SDK2: variants seen among roughly 807,000 people sequenced by gnomAD.
SDK2 encodes the protein protein sidekick-2.
A neutral mutation model predicts 253.9 loss-of-function variants in SDK2; 105 were observed. The observed-to-expected ratio is 0.41, with a 90% confidence interval of 0.35 to 0.49. The LOEUF (loss-of-function observed/expected upper bound fraction) is 0.49, where lower values mean the gene tolerates loss of function less well. Among genes scored for constraint, SDK2 ranks in the 20% least tolerant of loss-of-function variants. SDK2 has a pLI of 0.06. For missense variants in SDK2, 2,608 were observed against 3,003.0 expected (o/e 0.87, Z 3.07); for synonymous variants, 1,249 against 1,234.9 (o/e 1.01, Z -0.24).
At chr17:73,622,189 C>G (rs1352058239) in intron 1 of SDK2, among the ~76,000 whole-genome samples, 1 of 152,210 alleles carries the variant, frequency 6.6e-6, no homozygotes, top group Non-Finnish European at 1.5e-5. Context: ...TCATTCCTGC[C>G]CAGCCATGGG....
intron 1 of SDK2, among the ~76,000 whole-genome samples, chr17:73,598,059 G>A (rs1198718262): frequency 2.0e-5 from 3 of 152,124 alleles, no homozygotes; most frequent in Non-Finnish European, 4.4e-5. Context: ...ATAGCCAGCT[G>A]GTGTCCGAGT....
intron 1 of SDK2, among the ~76,000 whole-genome samples, chr17:73,582,404 G>A (rs1313054267): frequency 6.6e-6 from 1 of 152,234 alleles, no homozygotes; most frequent in Non-Finnish European, 1.5e-5. Flanking sequence ...CAGCTTTTGG[G>A]GGTACACACT....
At chr17:73,523,355 T>C (rs999422948) in intron 1 of SDK2, among the ~76,000 whole-genome samples, 12 of 151,864 alleles carry the variant, frequency 7.9e-5, no homozygotes, top group African/African-American at 2.7e-4. Flanking sequence ...CTATACCCCA[T>C]ATTAAGGGCT....
At position 73,431,736 on chromosome 17, in the gene SDK2, G is replaced by A. The variant is rs879724368; in HGVS notation, c.1313-67C>T. 8.3e-6 allele frequency: 12 copies of A among 1,446,454 alleles called. No individual in the cohort carries two copies. The highest frequency in any genetic ancestry group is 1.4e-5 in the South Asian group (1 of 73,756). 89.6% of individuals were successfully genotyped at this position (1,446,454 alleles called of 1,614,324 possible). ...GGGCACACCCTGCCCTTCCCTGGCCGCTCCAGGGCAGCATGGTCCCCCCAC... is the reference window on the plus strand; with the variant it reads ...GGGCACACCCTGCCCTTCCCTGGCCACTCCAGGGCAGCATGGTCCCCCCAC... On this transcript the variant is annotated intron_variant, in intron 10 of 44. Transcript: ENST00000392650. This position sits in a 1 kb window ranked among gnomAD's most constrained non-coding sequence, Gnocchi z 5.6.
intron 12 of SDK2, among the ~76,000 whole-genome samples, chr17:73,425,914 T>C (rs1441928991): frequency 2.0e-5 from 3 of 152,194 alleles, no homozygotes; most frequent in Non-Finnish European, 4.4e-5. Context: ...TGCAAGCTAA[T>C]ATAAAATAGA....
chr17:73,423,768 G>T, intron 13 of SDK2, 148 bp downstream of exon 13: 1 of 775,986 alleles, frequency 1.3e-6, no homozygotes, highest in Non-Finnish European at 2.0e-6. Flanking sequence ...AGGCCTGGAA[G>T]GATGCTGGGG....
chr17:73,482,849 T>C (rs2063734840), intron 2 of SDK2, among the ~76,000 whole-genome samples: 1 of 152,084 alleles, frequency 6.6e-6, no homozygotes, highest in South Asian at 2.1e-4. Flanking sequence ...TAAGCAGGGA[T>C]CCCTCCCTAA....
intron 1 of SDK2, among the ~76,000 whole-genome samples, chr17:73,535,307 C>A (rs2044755590): frequency 1.3e-5 from 2 of 152,200 alleles, no homozygotes; most frequent in Admixed American, 1.3e-4. Flanking sequence ...GAAGGCGCTG[C>A]ATAACTTCTC....
intron 6 of SDK2, among the ~76,000 whole-genome samples, chr17:73,438,598 C>A (rs1021988578): frequency 1.4e-4 from 22 of 151,874 alleles, no homozygotes; most frequent in African/African-American, 4.9e-4. Context: ...ACATGAAACA[C>A]CCAGAGTTTG....
intron 1 of SDK2, among the ~76,000 whole-genome samples, chr17:73,526,683 G>T (rs375807552): frequency 1.3e-5 from 2 of 151,724 alleles, no homozygotes; most frequent in South Asian, 4.1e-4. Flanking sequence ...ATATGTGTGT[G>T]TTTGTGTGCA....
chr17:73,501,860 C>T (rs543259700), intron 2 of SDK2, among the ~76,000 whole-genome samples: 1 of 152,322 alleles, frequency 6.6e-6, no homozygotes, highest in African/African-American at 2.4e-5. Context: ...CTGATGCAGG[C>T]ATTACTGCGC....
chr17:73,560,832 C>A (rs1018101487), intron 1 of SDK2, among the ~76,000 whole-genome samples: 7 of 152,210 alleles, frequency 4.6e-5, no homozygotes, highest in Admixed American at 3.3e-4. Context: ...GTGCCCACCC[C>A]CTCCCGATCC....
Position 73,455,835 on chromosome 17 carries a change from C to A in SDK2, c.479+71G>T. 6.8e-7 allele frequency: 1 copy of A among 1,465,778 alleles called. No individual in the cohort carries two copies. The highest frequency in any genetic ancestry group is 9.1e-7 in the Non-Finnish European group (1 of 1,103,548). 90.8% of individuals were successfully genotyped at this position (1,465,778 alleles called of 1,614,324 possible). ...GGCCCTCCTCCACACTCAAGGGAGA[C>A]TTTATCTGGCCCCAAACCTCCTCCC... On this transcript the variant is annotated intron_variant, in intron 4 of 44. Coordinates refer to ENST00000392650, the MANE Select transcript of SDK2 (RefSeq NM_001144952.2). This position sits in a 1 kb window ranked among gnomAD's most constrained non-coding sequence, Gnocchi z 5.0.
chr17:73,570,034 G>A lies in SDK2; in HGVS notation c.65-62437C>T, dbSNP rs551055879. On this transcript the variant is annotated intron_variant, in intron 1 of 44. Coordinates refer to ENST00000392650, the MANE Select transcript of SDK2 (RefSeq NM_001144952.2). The surrounding 1 kb of genome is among the most constrained non-coding windows in gnomAD (Gnocchi z 4.2). ...GAAGGATGAGGAGCAGGACCTCAGC[G>A]CTCTAACTCTTTCAGGCTTCGGCTG... Among the ~76,000 whole-genome samples the A allele has an allele frequency of 2.6e-5, 4 of 152,244 alleles. No homozygotes were observed. Among genetic ancestry groups the A allele is most frequent in the East Asian group, 1.9e-4 (1 of 5,162 alleles).
In SDK2 at chr17:73,455,618, GT is replaced by G. The variant is rs2063520420; in HGVS notation, c.479+287del. On this transcript the variant is annotated intron_variant, in intron 4 of 44. Coordinates refer to ENST00000392650, the MANE Select transcript of SDK2 (RefSeq NM_001144952.2). This position sits in a 1 kb window ranked among gnomAD's most constrained non-coding sequence, Gnocchi z 5.0. ...AGCGCCTTCGTATATGCCTGTTTGG[GT>G]TTTTTAAGTGCTCTGAAAAGCAGAT... 2.6e-5 allele frequency among the ~76,000 whole-genome samples: 4 copies of G among 152,334 alleles called. No homozygotes were observed. In the South Asian group the frequency reaches 8.3e-4, roughly 32 times the overall value.
At chr17:73,357,898 G>T in intron 40 of SDK2, 181 bp downstream of exon 40, 1 of 920,564 alleles carries the variant, frequency 1.1e-6, no homozygotes, top group Non-Finnish European at 1.8e-6. Flanking sequence ...TTAGCTAGGA[G>T]TCCAGCTCTA....
intron 38 of SDK2, among the ~76,000 whole-genome samples, chr17:73,364,710 C>T (rs770149913): frequency 1.3e-5 from 2 of 152,170 alleles, no homozygotes; most frequent in Non-Finnish European, 2.9e-5. Context: ...CAACCTCTGC[C>T]TGCCGGGTTC....
Position 73,507,575 on chromosome 17 carries a change from C to G in SDK2, c.87G>C (p.Lys29Asn). Residue 29 changes from lysine to asparagine, a missense_variant, in exon 2 of 45, where the codon AAG (lysine) becomes AAC (asparagine). This residue lies in a region of SDK2 where 1,505 missense variants were observed against 1,859.1 expected (regional missense o/e 0.81). Transcript: ENST00000392650. ...RAQDDVSPYF[K>N]TEPVRTQVHL... ...GCACCTGTGTCCGCACAGGCTCTGTCTTGAAATACGGGGACACATCATCTG... is the reference window on the plus strand; with the variant it reads ...GCACCTGTGTCCGCACAGGCTCTGTGTTGAAATACGGGGACACATCATCTG... The G allele has an allele frequency of 6.4e-7, 1 of 1,551,612 alleles. No homozygotes were observed. The highest frequency in any genetic ancestry group is 8.7e-7 in the Non-Finnish European group (1 of 1,146,956).
chr17:73,579,407 G>T (rs986694244), intron 1 of SDK2, among the ~76,000 whole-genome samples: 2 of 152,098 alleles, frequency 1.3e-5, no homozygotes, highest in African/African-American at 4.8e-5. Flanking sequence ...ACAGCCCTTT[G>T]GCAGCACCCT....
Sources: allele counts gnomAD v4.1 joint callset (sites outside exome capture counted in the v4.1 genomes callset), GRCh38; gene constraint gnomAD v4.1.1; regional missense constraint gnomAD v4.1.1; non-coding constraint Gnocchi (gnomAD v3.1); transcripts MANE v1.5; gene names NCBI Gene and HGNC (gene_info 2026-07-23, HGNC 2026-07-21).